The following TDRD9 variants were observed in gnomAD, a reference collection of about 807,000 sequenced individuals.
TDRD9 encodes the protein tudor domain containing 9.
A neutral mutation model predicts 172.6 loss-of-function variants in TDRD9; 124 were observed. That is an observed-to-expected ratio of 0.72 (90% CI 0.62 to 0.83). The LOEUF is 0.83. Among genes scored for constraint, TDRD9 ranks in the 40% least tolerant of loss-of-function variants. The probability of loss-of-function intolerance (pLI) is 0.00; values close to 1 mark genes in which losing one functional copy is unlikely to be tolerated. For missense variants in TDRD9, 1,479 were observed against 1,714.1 expected (o/e 0.86, Z 2.42); for synonymous variants, 619 against 617.1 (o/e 1.00, Z -0.05).
At chr14:103,960,706 T>C (rs1885596) in intron 2 of TDRD9, among the ~76,000 whole-genome samples, 143,773 of 152,280 alleles carry the variant, frequency 0.94, 68,421 homozygotes, top group East Asian at 1. Flanking sequence ...GACCTAAAAA[T>C]GTCAGCTTGT....
intron 22 of TDRD9, among the ~76,000 whole-genome samples, chr14:104,017,418 G>T (rs555138119): frequency 3.2e-4 from 48 of 152,194 alleles, no homozygotes; most frequent in Non-Finnish European, 6.0e-4. Flanking sequence ...TGTGGCAGTT[G>T]GGTCTCAGGG....
At chr14:103,973,167 G>T (rs2033104491) in intron 6 of TDRD9, among the ~76,000 whole-genome samples, 1 of 152,132 alleles carries the variant, frequency 6.6e-6, no homozygotes. Context: ...TAACAAATAC[G>T]TGAAGCAGCA....
At chr14:104,024,749 TACACACACACAC>T (rs60394937) in intron 25 of TDRD9, 69 bp downstream of exon 25, 121,321 of 434,544 alleles carry the variant, frequency 0.28, 12,104 homozygotes, top group African/African-American at 0.33. Flanking sequence ...ACAGGAAGTT[TACACACACACAC>T]ACACACACAC....
At chr14:103,970,518 G>T (rs778399168) in intron 5 of TDRD9, 23 bp from the exon 6 acceptor site, 99 of 1,541,096 alleles carry the variant, frequency 6.4e-5, no homozygotes, top group Non-Finnish European at 7.2e-5. Context: ...CATGTGGGGG[G>T]TGCCCCCTTT....
At chr14:103,950,653 T>C (rs574091411) in intron 1 of TDRD9, among the ~76,000 whole-genome samples, 3 of 152,344 alleles carry the variant, frequency 2.0e-5, no homozygotes, top group Non-Finnish European at 2.9e-5. Flanking sequence ...TAGTAAATAA[T>C]GGACCAGATA....
At chr14:103,985,629 C>G (rs1444406634) in intron 7 of TDRD9, among the ~76,000 whole-genome samples, 2 of 152,068 alleles carry the variant, frequency 1.3e-5, no homozygotes, top group Admixed American at 1.3e-4. Flanking sequence ...ATTATCTGGT[C>G]TTGGTGTCTT....
intron 20 of TDRD9, among the ~76,000 whole-genome samples, chr14:104,012,020 A>G (rs1038235531): frequency 6.6e-6 from 1 of 152,202 alleles, no homozygotes; most frequent in Non-Finnish European, 1.5e-5. Flanking sequence ...TCTCAGCAAC[A>G]GTGTGCGATG....
intron 34 of TDRD9, among the ~76,000 whole-genome samples, chr14:104,045,457 T>A (rs1441796802): frequency 6.6e-6 from 1 of 151,884 alleles, no homozygotes; most frequent in African/African-American, 2.4e-5. Context: ...TGTCTTTTCA[T>A]TATTGAGTTG....
At chr14:104,046,812 AT>A (rs750250221) in intron 34 of TDRD9, among the ~76,000 whole-genome samples, 1 of 151,616 alleles carries the variant, frequency 6.6e-6, no homozygotes, top group Non-Finnish European at 1.5e-5. Context: ...CACCTGGCTA[AT>A]TTTTTTGTAT....
At chr14:104,030,117 A>C (rs2152249943) in intron 28 of TDRD9, among the ~76,000 whole-genome samples, 1 of 152,300 alleles carries the variant, frequency 6.6e-6, no homozygotes, top group East Asian at 1.9e-4. Flanking sequence ...TTCCAGTGTA[A>C]AACCAAAATT....
intron 3 of TDRD9, among the ~76,000 whole-genome samples, chr14:103,964,950 G>A (rs1261827583): frequency 6.6e-6 from 1 of 152,120 alleles, no homozygotes; most frequent in Non-Finnish European, 1.5e-5. Flanking sequence ...GAAATTGCTG[G>A]TAATCCCAGC....
At chr14:104,013,626 TAAG>T (rs1249881805) in intron 20 of TDRD9, 2 of 152,256 alleles carry the variant, frequency 1.3e-5, no homozygotes, top group East Asian at 1.9e-4. Context: ...AATTAATTTC[TAAG>T]AAGATGATTC....
intron 7 of TDRD9, among the ~76,000 whole-genome samples, chr14:103,983,056 C>CT (rs397853010): frequency 0.066 from 5,745 of 87,608 alleles, 453 homozygotes; most frequent in African/African-American, 0.11. Context: ...CTGTGGGTCA[C>CT]TTTTTTTTTT....
At chr14:103,987,433 A>T (rs963048710) in intron 8 of TDRD9, among the ~76,000 whole-genome samples, 5 of 152,066 alleles carry the variant, frequency 3.3e-5, no homozygotes, top group Non-Finnish European at 1.5e-5. Flanking sequence ...GTGTCCCATT[A>T]GTTCTGCTAT....
intron 16 of TDRD9, 31 bp from the exon 17 acceptor site, chr14:104,006,615 T>C (rs1318830635): frequency 1.2e-6 from 2 of 1,613,224 alleles, no homozygotes; most frequent in South Asian, 2.2e-5. Flanking sequence ...CTCACAATCT[T>C]ACATTCTTCT....
At chr14:104,032,357 C>T (rs2035310224) in intron 30 of TDRD9, among the ~76,000 whole-genome samples, 1 of 152,140 alleles carries the variant, frequency 6.6e-6, no homozygotes, top group Admixed American at 6.5e-5. Context: ...CAGGCACGTG[C>T]CACCACACCT....
At chr14:104,017,241 G>A (rs892691716) in intron 22 of TDRD9, among the ~76,000 whole-genome samples, 1 of 152,024 alleles carries the variant, frequency 6.6e-6, no homozygotes, top group Non-Finnish European at 1.5e-5. Context: ...ACCACAGAGA[G>A]CCTAGTCTGG....
At chr14:104,025,487 C>T (rs1376851739) in intron 25 of TDRD9, 77 bp from the exon 26 acceptor site, 4 of 1,097,610 alleles carry the variant, frequency 3.6e-6, no homozygotes, top group Non-Finnish European at 5.4e-6. Flanking sequence ...GGGTGTCAGC[C>T]CTATGATTCA....
rs74089148 is a variant in TDRD9, at chr14:104,044,408, A to G, written c.3974+2221A>G. 8.2e-3 allele frequency among the ~76,000 whole-genome samples: 1,246 copies of G among 152,330 alleles called. 16 individuals carry two copies. The highest frequency in any genetic ancestry group is 0.029 in the African/African-American group (1,186 of 41,568). On this transcript the variant is annotated intron_variant, in intron 34 of 35. Coordinates refer to ENST00000409874, the MANE Select transcript of TDRD9 (RefSeq NM_153046.3). ...AAAGTTGATGACTTTTAGGATATGT[A>G]AAGTACACCTCAGTAAAGCTGTGTT...
Sources: allele counts gnomAD v4.1 joint callset (sites outside exome capture counted in the v4.1 genomes callset), GRCh38; gene constraint gnomAD v4.1.1; transcripts MANE v1.5; gene names NCBI Gene and HGNC (gene_info 2026-07-23, HGNC 2026-07-21).